Variants in COL24A1 observed in about 807,000 individuals in gnomAD.
The protein encoded by COL24A1 is collagen type XXIV alpha 1 chain.
COL24A1 carries 224 observed loss-of-function variants against 253.9 expected under a neutral mutation model. The observed-to-expected ratio is 0.88, with a 90% CI of 0.79 to 0.99. COL24A1 has a LOEUF of 0.99. Ranked by LOEUF, COL24A1 falls within the 50% of genes least tolerant of loss-of-function variation. COL24A1 has a pLI of 0.00. For missense variants in COL24A1, 2,131 were observed against 2,068.5 expected (o/e 1.03, Z -0.59); for synonymous variants, 685 against 673.7 (o/e 1.02, Z -0.26).
At chr1:86,121,628 A>G (rs1284958482) in intron 3 of COL24A1, among the ~76,000 whole-genome samples, 3 of 152,144 alleles carry the variant, frequency 2.0e-5, no homozygotes, top group South Asian at 2.1e-4. Flanking sequence ...TTAAAAATCA[A>G]TGAAGGGATA....
At chr1:86,097,846 T>C (rs899428550) in intron 5 of COL24A1, among the ~76,000 whole-genome samples, 1 of 152,042 alleles carries the variant, frequency 6.6e-6, no homozygotes, top group Non-Finnish European at 1.5e-5. Flanking sequence ...AGCTATGGCA[T>C]GTCCCCTGAA....
At chr1:85,927,228 C>G (rs974977422) in intron 24 of COL24A1, among the ~76,000 whole-genome samples, 1 of 152,098 alleles carries the variant, frequency 6.6e-6, no homozygotes, top group Non-Finnish European at 1.5e-5. Flanking sequence ...GTGTGCGCAC[C>G]GTGCGCGAGC....
intron 19 of COL24A1, among the ~76,000 whole-genome samples, chr1:85,995,420 A>G (rs759027831): frequency 1.3e-3 from 198 of 152,284 alleles, no homozygotes; most frequent in Non-Finnish European, 2.0e-3. Context: ...TTTTAAGGGA[A>G]ACTACAAAGT....
chr1:85,961,295 T>C lies in COL24A1; in HGVS notation c.2518-2A>G, dbSNP rs1409452568. Reference sequence around the variant, plus strand: ...ATTTCCTTGATCTCCTACTTCTCCCTGTCAAAAAAGAATATAAAGTTGCAA... The same window carrying C: ...ATTTCCTTGATCTCCTACTTCTCCCCGTCAAAAAAGAATATAAAGTTGCAA... On this transcript the variant is annotated splice_acceptor_variant, in intron 23 of 59. Coordinates refer to ENST00000370571, the MANE Select transcript of COL24A1 (RefSeq NM_152890.7). LOFTEE classifies it high-confidence loss of function. The C allele has an allele frequency of 6.2e-7, 1 of 1,600,962 alleles. No homozygotes were observed.
chr1:85,843,270 T>C (rs1676819864), intron 39 of COL24A1, among the ~76,000 whole-genome samples: 1 of 152,202 alleles, frequency 6.6e-6, no homozygotes, highest in Non-Finnish European at 1.5e-5. Context: ...AATGTTCACA[T>C]TGCAACTATT....
chr1:85,837,239 T>C (rs1676099339), intron 43 of COL24A1, among the ~76,000 whole-genome samples: 1 of 152,116 alleles, frequency 6.6e-6, no homozygotes, highest in Non-Finnish European at 1.5e-5. Flanking sequence ...TATAACCTGC[T>C]AAAAATGTTT....
chr1:85,877,154 C>G lies in COL24A1; in HGVS notation c.2998G>C (p.Asp1000His). ...CCCATTTCTCCAGGAGGTCCAACAT[C>G]ACCTTGCAGTCCTCGCAGTCCCTAT... Reference protein sequence around the residue: ...GEPGLRGLQGDVGPPGEMGME... With the variant: ...GEPGLRGLQGHVGPPGEMGME... The change falls in exon 33 of 60, where the codon GAT (aspartate) becomes CAT (histidine). Residue 1000 changes from aspartate to histidine, a missense_variant. Asp to His is a moderately conservative substitution (Grantham distance 81). Coordinates refer to ENST00000370571, the MANE Select transcript of COL24A1 (RefSeq NM_152890.7). 1 of 1,606,426 alleles carries G rather than the reference C, an allele frequency of 6.2e-7. No individual in the cohort carries two copies. Among genetic ancestry groups the G allele is most frequent in the Non-Finnish European group, 8.5e-7 (1 of 1,176,562 alleles).
At chr1:85,842,529 G>C in intron 39 of COL24A1, 136 bp from the exon 40 acceptor site, 1 of 605,780 alleles carries the variant, frequency 1.7e-6, no homozygotes. Context: ...AAATAGGAAA[G>C]CAAAAAATAA....
intron 43 of COL24A1, among the ~76,000 whole-genome samples, chr1:85,824,557 G>A (rs1345262719): frequency 6.6e-6 from 1 of 152,082 alleles, no homozygotes; most frequent in Non-Finnish European, 1.5e-5. Context: ...GCTGAAGACT[G>A]GGAGCAGTTA....
intron 37 of COL24A1, among the ~76,000 whole-genome samples, chr1:85,867,396 A>G (rs963144680): frequency 6.6e-6 from 1 of 152,240 alleles, no homozygotes; most frequent in African/African-American, 2.4e-5. Context: ...GTAAAGACAG[A>G]GCATCTGGTT....
At chr1:85,877,366 G>A (rs1167099716) in intron 32 of COL24A1, among the ~76,000 whole-genome samples, 191 bp from the exon 33 acceptor site, 1 of 152,092 alleles carries the variant, frequency 6.6e-6, no homozygotes, top group African/African-American at 2.4e-5. Flanking sequence ...GTATGTGTGT[G>A]TGTTTTTGTT....
At chr1:86,111,815 C>T (rs543368925) in intron 5 of COL24A1, among the ~76,000 whole-genome samples, 106 of 152,126 alleles carry the variant, frequency 7.0e-4, no homozygotes, top group African/African-American at 2.0e-3. Flanking sequence ...ATAGGAGGAA[C>T]GAACAACTCC....
At position 85,838,620 on chromosome 1, in the gene COL24A1, C is replaced by T; in HGVS notation, c.3646G>A (p.Gly1216Arg). 1.9e-6 allele frequency: 3 copies of T among 1,613,962 alleles called. No individual in the cohort carries two copies. The highest frequency in any genetic ancestry group is 2.5e-6 in the Non-Finnish European group (3 of 1,179,846). Residue 1216 changes from glycine (G) to arginine (R), a missense_variant, in exon 43 of 60, where the codon GGA (glycine) becomes AGA (arginine). Physicochemically the swap from Gly to Arg is moderately radical, Grantham distance 125. Coordinates refer to ENST00000370571, the MANE Select transcript of COL24A1 (RefSeq NM_152890.7). ...TCTGCTCCAGGCTCTCCTCTCTCTC[C>T]TTGGTCCCCCACTGGACCCTACAGA... ...RGEPGPVGDQ[G>R]ERGEPGAEGY...
chr1:85,869,650 G>A (rs1391032382), intron 35 of COL24A1, among the ~76,000 whole-genome samples: 3 of 152,134 alleles, frequency 2.0e-5, no homozygotes, highest in Non-Finnish European at 4.4e-5. Flanking sequence ...CAAATGCTGA[G>A]AGATTTTGTC....
At chr1:85,775,620 G>C in intron 53 of COL24A1, 54 bp downstream of exon 53, 4 of 1,422,232 alleles carry the variant, frequency 2.8e-6, no homozygotes, top group Non-Finnish European at 3.9e-6. Flanking sequence ...TGCTTTCATG[G>C]AGCTTATAGC....
At chr1:85,965,405 G>T (rs1328530059) in intron 22 of COL24A1, among the ~76,000 whole-genome samples, 1 of 151,944 alleles carries the variant, frequency 6.6e-6, no homozygotes, top group Non-Finnish European at 1.5e-5. Context: ...AATCAAGCAG[G>T]GAAGGGATAT....
At chr1:85,731,660 A>G (rs1663485033) in intron 59 of COL24A1, among the ~76,000 whole-genome samples, 1 of 152,228 alleles carries the variant, frequency 6.6e-6, no homozygotes, top group Non-Finnish European at 1.5e-5. Context: ...TACACGATGA[A>G]TACAATAGTT....
At chr1:85,743,283 C>A (rs1664848535) in intron 57 of COL24A1, among the ~76,000 whole-genome samples, 1 of 152,072 alleles carries the variant, frequency 6.6e-6, no homozygotes, top group Non-Finnish European at 1.5e-5. Flanking sequence ...GGCTTTCTTG[C>A]TAATTCTAAA....
At chr1:86,107,256 A>G (rs2102097915) in intron 5 of COL24A1, among the ~76,000 whole-genome samples, 1 of 152,256 alleles carries the variant, frequency 6.6e-6, no homozygotes, top group South Asian at 2.1e-4. Context: ...TACTGCTCTC[A>G]AGTGTTTTCT....
Sources: gnomAD v4.1 joint callset for allele counts (sites outside exome capture counted in the v4.1 genomes callset) on GRCh38, gnomAD v4.1.1 for gene constraint, MANE v1.5 for transcripts, NCBI Gene and HGNC (gene_info 2026-07-23, HGNC 2026-07-21) for gene names.